PPFIA2: variants seen among roughly 807,000 people sequenced by gnomAD.
The protein encoded by PPFIA2 is PPFI scaffold protein A2, also known as liprin-alpha-2.
PPFIA2 carries 46 observed loss-of-function variants against 175.5 expected under a neutral mutation model. The observed-to-expected ratio is 0.26, with a 90% CI of 0.21 to 0.34. The LOEUF (loss-of-function observed/expected upper bound fraction) is 0.34. Ranked by LOEUF, PPFIA2 falls within the 10% of genes least tolerant of loss-of-function variation. The pLI is 1.00. For synonymous variants in PPFIA2, 568 were observed against 511.4 expected, an observed-to-expected ratio of 1.11 and a Z score of -1.49; for missense variants, 1,179 against 1,506.1, an observed-to-expected ratio of 0.78 and a Z score of 3.60.
chr12:81,545,254 C>A (rs1407132801), intron 4 of PPFIA2: 4 of 152,142 alleles, frequency 2.6e-5, no homozygotes, highest in African/African-American at 9.7e-5. Context: ...ACAGGATGCA[C>A]TTTCTTTAAA....
intron 21 of PPFIA2, among the ~76,000 whole-genome samples, chr12:81,336,181 T>C (rs150250768): frequency 3.2e-4 from 48 of 152,318 alleles, no homozygotes; most frequent in Non-Finnish European, 6.5e-4. Context: ...CCACAGCTTT[T>C]TCTATCCTAC....
Position 81,386,784 on chromosome 12 carries a change from G to C in PPFIA2, c.763-2540C>G, listed in dbSNP as rs549940936. Among the ~76,000 whole-genome samples the C allele has an allele frequency of 1.6e-4, 24 of 152,186 alleles. No homozygotes were observed. In the East Asian group the frequency reaches 4.3e-3, roughly 27 times the overall value. On this transcript the variant is annotated intron_variant, in intron 8 of 32. Transcript: ENST00000549396. ...ACAAAAAGTATGGAGAGAAAATACA[G>C]AAAGTACAGTCATTTCCGCTCATGT...
At chr12:81,544,507 GTC>G (rs1285173764) in intron 4 of PPFIA2, among the ~76,000 whole-genome samples, 2 of 152,106 alleles carry the variant, frequency 1.3e-5, no homozygotes, top group African/African-American at 4.8e-5. Flanking sequence ...GCTTTTGAAT[GTC>G]TCTTTGAACA....
chr12:81,306,549 T>G (rs2049247445), intron 22 of PPFIA2, among the ~76,000 whole-genome samples: 1 of 149,638 alleles, frequency 6.7e-6, no homozygotes, highest in South Asian at 2.1e-4. Context: ...TTGTTTTTTT[T>G]TTTTTTTTTT....
chr12:81,316,108 T>C (rs1231168856), intron 22 of PPFIA2, among the ~76,000 whole-genome samples: 2 of 151,022 alleles, frequency 1.3e-5, no homozygotes, highest in Admixed American at 1.3e-4. Context: ...ATATACTTAA[T>C]ACACACACAC....
intron 4 of PPFIA2, among the ~76,000 whole-genome samples, chr12:81,520,308 C>T (rs536774383): frequency 4.6e-5 from 7 of 152,190 alleles, no homozygotes; most frequent in South Asian, 2.1e-4. Flanking sequence ...TCAGGCAGAA[C>T]GAAGCAGGTT....
intron 4 of PPFIA2, among the ~76,000 whole-genome samples, chr12:81,498,311 C>T (rs914338932): frequency 6.6e-6 from 1 of 152,138 alleles, no homozygotes; most frequent in Admixed American, 6.5e-5. Context: ...TAATATTACT[C>T]TGTTCCAGGA....
chr12:81,543,221 G>A (rs996364127), intron 4 of PPFIA2, among the ~76,000 whole-genome samples: 21 of 152,042 alleles, frequency 1.4e-4, no homozygotes, highest in Non-Finnish European at 2.5e-4. Context: ...CTAGGACTGG[G>A]TTGGGAAATA....
At chr12:81,265,290 T>TC (rs1213573420) in intron 30 of PPFIA2, among the ~76,000 whole-genome samples, 7 of 18,012 alleles carry the variant, frequency 3.9e-4, no homozygotes, top group Admixed American at 1.1e-3. Context: ...CGAAACTCTG[T>TC]CAAAAAAAAA....
chr12:81,559,128 C>A (rs886560973), intron 4 of PPFIA2, among the ~76,000 whole-genome samples: 1 of 152,128 alleles, frequency 6.6e-6, no homozygotes, highest in Non-Finnish European at 1.5e-5. Flanking sequence ...AAATACTACC[C>A]TTCATTTATT....
At chr12:81,613,209 C>A (rs1286028707) in intron 4 of PPFIA2, among the ~76,000 whole-genome samples, 2 of 152,070 alleles carry the variant, frequency 1.3e-5, no homozygotes, top group Non-Finnish European at 2.9e-5. Flanking sequence ...TATTTCTTCA[C>A]CTATCACTCT....
intron 4 of PPFIA2, among the ~76,000 whole-genome samples, chr12:81,572,470 A>G (rs1163103490): frequency 6.6e-6 from 1 of 151,986 alleles, no homozygotes; most frequent in Non-Finnish European, 1.5e-5. Context: ...CCTTTCCCAT[A>G]CAGTGTAAGC....
rs182952911 is a variant in PPFIA2 at position 81,333,972 on chromosome 12, C to A, written c.2548+5208G>T. Among the ~76,000 whole-genome samples, 205 of 152,264 alleles carry A rather than the reference C, an allele frequency of 1.3e-3. 3 individuals carry two copies. The highest frequency in any genetic ancestry group is 1.9e-4 in the Non-Finnish European group (13 of 68,024). The stretch of plus-strand genomic sequence containing the variant: ...ACCTAACTGTTCCAGCACTCAGGCC[C>A]CATTTTGACATCTTGTCCCCAGGGA... On this transcript the variant is annotated intron_variant, in intron 21 of 32. Transcript: ENST00000549396.
chr12:81,455,272 T>C (rs1337310514), intron 5 of PPFIA2, among the ~76,000 whole-genome samples: 1 of 152,146 alleles, frequency 6.6e-6, no homozygotes, highest in Non-Finnish European at 1.5e-5. Flanking sequence ...TTCTGGGGGA[T>C]GGAGGAGGGT....
chr12:81,511,258 T>C (rs2061758757), intron 4 of PPFIA2, among the ~76,000 whole-genome samples: 1 of 152,104 alleles, frequency 6.6e-6, no homozygotes, highest in African/African-American at 2.4e-5. Flanking sequence ...AAAATGCGTA[T>C]ACAAAGGAAA....
intron 4 of PPFIA2, among the ~76,000 whole-genome samples, chr12:81,670,150 T>A (rs998323867): frequency 6.6e-6 from 1 of 151,958 alleles, no homozygotes; most frequent in African/African-American, 2.4e-5. Context: ...TAACTTGTTA[T>A]GTTTTAAATT....
chr12:81,603,685 G>A (rs538852841), intron 4 of PPFIA2, among the ~76,000 whole-genome samples: 17 of 151,678 alleles, frequency 1.1e-4, no homozygotes, highest in Admixed American at 2.0e-4. Context: ...CAGTACTTGT[G>A]TGTCAGACAT....
intron 4 of PPFIA2, among the ~76,000 whole-genome samples, chr12:81,631,635 G>A (rs896464255): frequency 6.6e-6 from 1 of 152,094 alleles, no homozygotes; most frequent in African/African-American, 2.4e-5. Context: ...AAGAATTCTA[G>A]AACCTTGAAA....
intron 4 of PPFIA2, among the ~76,000 whole-genome samples, chr12:81,666,612 G>C (rs1293260014): frequency 2.6e-5 from 4 of 152,074 alleles, no homozygotes; most frequent in African/African-American, 9.7e-5. Flanking sequence ...GGCCTGTTGT[G>C]GGGTGGAGAG....
Sources: allele counts gnomAD v4.1 joint callset (sites outside exome capture counted in the v4.1 genomes callset), GRCh38; gene constraint gnomAD v4.1.1; transcripts MANE v1.5; gene names NCBI Gene and HGNC (gene_info 2026-07-23, HGNC 2026-07-21).